The following LINGO1 variants were observed in gnomAD, a reference collection of about 807,000 sequenced individuals.
LINGO1 encodes the protein leucine-rich repeat and immunoglobulin-like domain-containing nogo receptor-interacting protein 1.
LINGO1 carries 11 observed loss-of-function variants against 37.3 expected under a neutral mutation model. That is an observed-to-expected ratio of 0.29 (90% confidence interval 0.19 to 0.49). The LOEUF (loss-of-function observed/expected upper bound fraction) is 0.49, where lower values mean the gene tolerates loss of function less well. Among genes scored for constraint, LINGO1 ranks in the 20% least tolerant of loss-of-function variants. The pLI, the probability that LINGO1 is intolerant of heterozygous loss-of-function variation, is 0.99. For synonymous variants in LINGO1, 387 were observed against 403.0 expected (o/e 0.96, Z 0.48); for missense variants, 585 against 878.2 (o/e 0.67, Z 4.22).
intron 2 of LINGO1, among the ~76,000 whole-genome samples, chr15:77,717,255 G>T (rs532752166): frequency 2.0e-5 from 3 of 150,852 alleles, no homozygotes; most frequent in African/African-American, 7.3e-5. Flanking sequence ...TGTTCCACTC[G>T]AAAGCATTAA....
At chr15:77,772,071 A>G (rs895742432) in intron 1 of LINGO1, among the ~76,000 whole-genome samples, 1 of 152,156 alleles carries the variant, frequency 6.6e-6, no homozygotes, top group Non-Finnish European at 1.5e-5. Flanking sequence ...ATGCCATTCA[A>G]ATAGTACCCT....
intron 1 of LINGO1, among the ~76,000 whole-genome samples, chr15:77,756,363 A>C (rs2141374488): frequency 6.6e-6 from 1 of 152,354 alleles, no homozygotes; most frequent in Admixed American, 6.5e-5. Context: ...GTCCACACAC[A>C]GAGGAATGAC....
At chr15:77,691,833 C>T (rs943502026) in intron 1 of LINGO1, among the ~76,000 whole-genome samples, 10 of 152,038 alleles carry the variant, frequency 6.6e-5, no homozygotes, top group Admixed American at 3.3e-4. Context: ...GTGACAATAA[C>T]GAGGTAGAAA....
chr15:77,809,998 T>C (rs546486287), intron 1 of LINGO1, among the ~76,000 whole-genome samples: 1 of 151,978 alleles, frequency 6.6e-6, no homozygotes, highest in East Asian at 1.9e-4. Flanking sequence ...TCTGGCTGCC[T>C]TTCTCCCAGT....
chr15:77,781,290 G>C (rs1441406984), intron 1 of LINGO1, among the ~76,000 whole-genome samples: 1 of 152,182 alleles, frequency 6.6e-6, no homozygotes, highest in East Asian at 1.9e-4. Flanking sequence ...ACTCAGCCAG[G>C]CCGGAGCCAG....
chr15:77,781,345 G>A (rs894747823), intron 1 of LINGO1, among the ~76,000 whole-genome samples: 33 of 152,218 alleles, frequency 2.2e-4, no homozygotes, highest in African/African-American at 7.5e-4. Context: ...CAGCTCCCAC[G>A]CCGAAGGAGG....
At chr15:77,704,329 G>T (rs976972934) in intron 2 of LINGO1, among the ~76,000 whole-genome samples, 2 of 152,202 alleles carry the variant, frequency 1.3e-5, no homozygotes, top group Non-Finnish European at 2.9e-5. Context: ...AGAGCACTAT[G>T]CTGAGCTCCA....
chr15:77,660,852 C>T lies in LINGO1; in HGVS notation c.-13+16237G>A, dbSNP rs544850714. 1.4e-4 allele frequency among the ~76,000 whole-genome samples: 21 copies of T among 152,212 alleles called. 1 individual carries two copies. Among genetic ancestry groups the T allele is most frequent in the African/African-American group, 5.1e-4 (21 of 41,528 alleles). ...ATGAGATCCCTGCCTGGAGCACAGG[C>T]CTCTTCCCAAGACAGGCGGGAGGGA... On this transcript the variant is annotated intron_variant, in intron 3 of 3. Transcript: ENST00000559893.
At chr15:77,733,444 A>G (rs2076172624) in intron 2 of LINGO1, among the ~76,000 whole-genome samples, 1 of 152,056 alleles carries the variant, frequency 6.6e-6, no homozygotes, top group Non-Finnish European at 1.5e-5. Flanking sequence ...CCATGCCATG[A>G]CCCTTGAGGG....
At chr15:77,744,015 T>G (rs1439016365) in intron 1 of LINGO1, among the ~76,000 whole-genome samples, 1 of 152,172 alleles carries the variant, frequency 6.6e-6, no homozygotes, top group African/African-American at 2.4e-5. Flanking sequence ...GATACAGAAG[T>G]GAGTGAGACA....
chr15:77,708,965 C>T (rs762226101), intron 2 of LINGO1, among the ~76,000 whole-genome samples: 1 of 152,074 alleles, frequency 6.6e-6, no homozygotes, highest in African/African-American at 2.4e-5. Flanking sequence ...GGGGAGGAGG[C>T]CACATGAAGA....
intron 1 of LINGO1, among the ~76,000 whole-genome samples, chr15:77,748,688 CTTT>C (rs1235844742): frequency 1.8e-4 from 27 of 151,754 alleles, no homozygotes; most frequent in African/African-American, 5.6e-4. Context: ...CTTTTTTTTT[CTTT>C]TTCTTTTTTC....
intron 2 of LINGO1, among the ~76,000 whole-genome samples, chr15:77,684,536 T>TC (rs1426308541): frequency 1.3e-5 from 2 of 152,088 alleles, no homozygotes; most frequent in African/African-American, 4.8e-5. Context: ...CTGCAACTGC[T>TC]CCCCCACCAC....
intron 1 of LINGO1, among the ~76,000 whole-genome samples, chr15:77,799,589 C>A (rs1210601214): frequency 6.6e-6 from 1 of 152,200 alleles, no homozygotes; most frequent in Admixed American, 6.5e-5. Context: ...CCTCCCCCAG[C>A]CTCAGCAGCT....
At chr15:77,811,877 G>A (rs1315850131) in intron 1 of LINGO1, among the ~76,000 whole-genome samples, 1 of 152,014 alleles carries the variant, frequency 6.6e-6, no homozygotes, top group Non-Finnish European at 1.5e-5. Context: ...TCTAGATGAA[G>A]GGTATACGGA....
intron 2 of LINGO1, among the ~76,000 whole-genome samples, chr15:77,720,279 C>T (rs1426700047): frequency 2.6e-5 from 4 of 152,230 alleles, no homozygotes; most frequent in Admixed American, 6.5e-5. Flanking sequence ...GAGTAAACGG[C>T]GTTTTTATTC....
intron 2 of LINGO1, chr15:77,707,560 A>T (rs1336446574): frequency 6.6e-6 from 1 of 152,280 alleles, no homozygotes; most frequent in Non-Finnish European, 1.5e-5. Flanking sequence ...AAAATCCCCT[A>T]AACAGGTCAG....
chr15:77,696,784 T>C (rs1359113210), upstream of LINGO1, among the ~76,000 whole-genome samples: 1 of 152,134 alleles, frequency 6.6e-6, no homozygotes, highest in East Asian at 1.9e-4. Flanking sequence ...AACCGACCCC[T>C]CTTCATCTTC....
chr15:77,653,630 AG>A (rs2074808812), intron 3 of LINGO1, among the ~76,000 whole-genome samples: 1 of 152,094 alleles, frequency 6.6e-6, no homozygotes. Flanking sequence ...GCTGGGAGTG[AG>A]GGTGTCCGTC....
Sources: allele counts gnomAD v4.1 joint callset (sites outside exome capture counted in the v4.1 genomes callset), GRCh38; gene constraint gnomAD v4.1.1; transcripts MANE v1.5; gene names NCBI Gene and HGNC (gene_info 2026-07-23, HGNC 2026-07-21).